Variants in ZFPM2 observed in about 807,000 individuals in gnomAD.
ZFPM2 encodes zinc finger protein ZFPM2.
In ZFPM2, 20 loss-of-function variants were observed where a neutral mutation model predicts 98.6. The observed-to-expected ratio is 0.20, with a 90% CI of 0.14 to 0.29. The LOEUF is 0.29. ZFPM2 is among the 10% of genes least tolerant of loss of function. ZFPM2 has a pLI of 1.00. For synonymous variants in ZFPM2, 518 were observed against 502.7 expected (o/e 1.03, Z -0.41); for missense variants, 1,310 against 1,388.6 (o/e 0.94, Z 0.90).
chr8:105,721,938 G>T (rs1414483610), intron 5 of ZFPM2, among the ~76,000 whole-genome samples: 1 of 151,858 alleles, frequency 6.6e-6, no homozygotes, highest in African/African-American at 2.4e-5. Flanking sequence ...TGTAGCAAAT[G>T]TAAAATACAC....
intron 6 of ZFPM2, among the ~76,000 whole-genome samples, chr8:105,789,250 A>C (rs1586268230): frequency 6.6e-6 from 1 of 151,298 alleles, no homozygotes; most frequent in Non-Finnish European, 1.5e-5. Flanking sequence ...CCCACCCCAC[A>C]ACAGTCCCCA....
At chr8:105,377,142 A>G (rs1810740384) in intron 1 of ZFPM2, among the ~76,000 whole-genome samples, 1 of 152,022 alleles carries the variant, frequency 6.6e-6, no homozygotes, top group Non-Finnish European at 1.5e-5. Context: ...ATTCCTTCTT[A>G]TCACGTAAGT....
At chr8:105,544,437 T>C (rs1302085324) in intron 3 of ZFPM2, among the ~76,000 whole-genome samples, 3 of 152,198 alleles carry the variant, frequency 2.0e-5, no homozygotes, top group Non-Finnish European at 2.9e-5. Context: ...TCTTAAGTGC[T>C]TTAGAATTTA....
intron 5 of ZFPM2, among the ~76,000 whole-genome samples, chr8:105,732,650 T>C (rs1049614122): frequency 9.2e-5 from 14 of 151,880 alleles, no homozygotes; most frequent in African/African-American, 3.1e-4. Context: ...TCTAACAGTG[T>C]ATTAATGGTG....
intron 5 of ZFPM2, among the ~76,000 whole-genome samples, chr8:105,722,916 G>A (rs918815685): frequency 1.3e-5 from 2 of 151,796 alleles, no homozygotes; most frequent in Non-Finnish European, 2.9e-5. Context: ...TTTAGTTTCA[G>A]TGCCAGTATC....
chr8:105,609,970 G>A (rs917807371), intron 4 of ZFPM2, among the ~76,000 whole-genome samples: 2 of 152,116 alleles, frequency 1.3e-5, no homozygotes, highest in Non-Finnish European at 2.9e-5. Context: ...ACCCCACTCA[G>A]CAGTCCAGAT....
At chr8:105,725,329 A>G (rs1217880422) in intron 5 of ZFPM2, among the ~76,000 whole-genome samples, 2 of 151,810 alleles carry the variant, frequency 1.3e-5, no homozygotes, top group Non-Finnish European at 2.9e-5. Flanking sequence ...CTGAAAAAAA[A>G]TTCTCTGATA....
At chr8:105,620,375 G>A (rs1816513421) in intron 4 of ZFPM2, among the ~76,000 whole-genome samples, 1 of 152,034 alleles carries the variant, frequency 6.6e-6, no homozygotes, top group South Asian at 2.1e-4. Flanking sequence ...TTTTTGATGG[G>A]GTTGTTTGAT....
At chr8:105,547,105 T>C (rs1042802918) in intron 3 of ZFPM2, among the ~76,000 whole-genome samples, 6 of 152,178 alleles carry the variant, frequency 3.9e-5, no homozygotes, top group African/African-American at 1.2e-4. Context: ...CTGTGTTCTT[T>C]GCAATGGCAA....
intron 1 of ZFPM2, among the ~76,000 whole-genome samples, chr8:105,374,118 T>C (rs1452826347): frequency 1.3e-5 from 2 of 152,202 alleles, no homozygotes; most frequent in Non-Finnish European, 2.9e-5. Context: ...TCACATATAC[T>C]ATCTCTCAAT....
intron 6 of ZFPM2, among the ~76,000 whole-genome samples, chr8:105,794,345 C>T (rs1239895823): frequency 2.0e-5 from 3 of 152,168 alleles, no homozygotes; most frequent in Non-Finnish European, 2.9e-5. Flanking sequence ...GAGGTCCACT[C>T]CAGATGCTGT....
intron 3 of ZFPM2, among the ~76,000 whole-genome samples, chr8:105,446,650 G>A (rs886299159): frequency 6.6e-6 from 1 of 151,562 alleles, no homozygotes; most frequent in Non-Finnish European, 1.5e-5. Flanking sequence ...ATTTGCTGTT[G>A]GTAAAAAAAC....
At chr8:105,393,368 T>TTCTTTCTTTCTTTCTTTCTC (rs1811154239) in intron 1 of ZFPM2, among the ~76,000 whole-genome samples, 1 of 111,644 alleles carries the variant, frequency 9.0e-6, no homozygotes, top group African/African-American at 3.4e-5. Context: ...CTTTCTTTCT[T>TTCTTTCTTTCTTTCTTTCTC]TCTTTCTTTC....
intron 1 of ZFPM2, among the ~76,000 whole-genome samples, chr8:105,348,902 G>C (rs927510476): frequency 6.6e-6 from 1 of 152,168 alleles, no homozygotes; most frequent in Admixed American, 6.5e-5. Context: ...TCGACTCTCT[G>C]TTGTGAATTC....
chr8:105,572,478 T>C (rs1815378897), intron 4 of ZFPM2, among the ~76,000 whole-genome samples: 1 of 152,160 alleles, frequency 6.6e-6, no homozygotes, highest in African/African-American at 2.4e-5. Context: ...AGTTGTTCTT[T>C]TTTTTTGAGA....
At chr8:105,694,193 A>G (rs899022135) in intron 5 of ZFPM2, among the ~76,000 whole-genome samples, 3 of 151,614 alleles carry the variant, frequency 2.0e-5, no homozygotes, top group South Asian at 2.1e-4. Flanking sequence ...TCGCTGTGTT[A>G]GCCAGGATGG....
chr8:105,351,354 C>CGTGTGTGT (rs139105567), intron 1 of ZFPM2, among the ~76,000 whole-genome samples: 3,892 of 144,790 alleles, frequency 0.027, 54 homozygotes, highest in Middle Eastern at 0.038. Flanking sequence ...TGCATTATTT[C>CGTGTGTGT]GTGTGTGTGT....
In ZFPM2 at chr8:105,480,357, T is replaced by A. The variant is rs528501615; in HGVS notation, c.301+35976T>A. On this transcript the variant is annotated intron_variant, in intron 3 of 7. Transcript: ENST00000407775. Reference sequence around the variant, plus strand: ...CTATGCCTGCATTCATGCACGTATCTGCCACTTACACGGAGGTTATATTGC... The same window carrying A: ...CTATGCCTGCATTCATGCACGTATCAGCCACTTACACGGAGGTTATATTGC... Among the ~76,000 whole-genome samples the A allele has an allele frequency of 9.8e-5, 15 of 152,314 alleles. No homozygotes were observed. In the South Asian group the frequency reaches 2.9e-3, roughly 29 times the overall value.
At chr8:105,474,867 G>GCTT (rs10692358) in intron 3 of ZFPM2, among the ~76,000 whole-genome samples, 97,176 of 151,522 alleles carry the variant, frequency 0.64, 31,196 homozygotes, top group East Asian at 0.78. Context: ...AACATCTTTA[G>GCTT]CTTCTTCTTT....
Sources: allele counts gnomAD v4.1 joint callset (sites outside exome capture counted in the v4.1 genomes callset), GRCh38; gene constraint gnomAD v4.1.1; transcripts MANE v1.5; gene names NCBI Gene and HGNC (gene_info 2026-07-23, HGNC 2026-07-21).